Variants in COL16A1 observed in about 807,000 individuals in gnomAD.
COL16A1 encodes collagen type XVI alpha 1 chain, also known as collagen alpha-1(XVI) chain.
A neutral mutation model predicts 266.3 loss-of-function variants in COL16A1; 189 were observed. That is an observed-to-expected ratio of 0.71 (90% CI 0.63 to 0.80). The LOEUF (loss-of-function observed/expected upper bound fraction) is 0.80. Among genes scored for constraint, COL16A1 ranks in the 30% least tolerant of loss-of-function variants. The pLI, the probability that COL16A1 is intolerant of heterozygous loss-of-function variation, is 0.00. For missense variants in COL16A1, 1,928 were observed against 2,122.4 expected, an observed-to-expected ratio of 0.91 and a Z score of 1.80; for synonymous variants, 740 against 782.3, an observed-to-expected ratio of 0.95 and a Z score of 0.90.
intron 42 of COL16A1, chr1:31,679,400 A>T: frequency 6.5e-7 from 1 of 1,530,156 alleles, no homozygotes; most frequent in Non-Finnish European, 8.8e-7. Flanking sequence ...TGGGTGCCTG[A>T]CAGCTGACGC....
rs1301036320 is a variant in COL16A1 at position 31,661,464 on chromosome 1, A to G, written c.3727-6T>C. Reference sequence around the variant, plus strand: ...CCTGTTTTCCCCTTAAAGCCCTGAAAGAAAAAGCAGGGAGTTCTCATGTCC... The same window carrying G: ...CCTGTTTTCCCCTTAAAGCCCTGAAGGAAAAAGCAGGGAGTTCTCATGTCC... On this transcript the variant is annotated splice_polypyrimidine_tract_variant and splice_region_variant and intron_variant, in intron 59 of 70. Transcript: ENST00000373672. The G allele has an allele frequency of 1.2e-6, 2 of 1,614,196 alleles. No homozygotes were observed. Among genetic ancestry groups the G allele is most frequent in the East Asian group, 2.2e-5 (1 of 44,892 alleles).
At position 31,697,592 on chromosome 1, in the gene COL16A1, G is replaced by A. The variant is rs1271925463; in HGVS notation, c.658-292C>T. Among the ~76,000 whole-genome samples, 1 of 152,202 alleles carries A rather than the reference G, an allele frequency of 6.6e-6. No individual in the cohort carries two copies. Among genetic ancestry groups the A allele is most frequent in the Non-Finnish European group, 1.5e-5 (1 of 68,038 alleles). On this transcript the variant is annotated intron_variant, in intron 6 of 70. Coordinates refer to ENST00000373672, the MANE Select transcript of COL16A1 (RefSeq NM_001856.4). The surrounding 1 kb of genome is among the most constrained non-coding windows in gnomAD (Gnocchi z 4.2). ...TGAGTATGCAAGGAAAGGCATTCCA[G>A]GTGGAGGTAACAGCGTAGGCAAAGG...
At chr1:31,695,276 C>A (rs1220235664) in intron 10 of COL16A1, 55 bp from the exon 11 acceptor site, 4 of 1,566,798 alleles carry the variant, frequency 2.6e-6, no homozygotes, top group Non-Finnish European at 3.5e-6. Context: ...GGTGAGCCCT[C>A]CCCACCTCCA....
chr1:31,676,717 G>C (rs1284291287), intron 42 of COL16A1, among the ~76,000 whole-genome samples: 1 of 152,214 alleles, frequency 6.6e-6, no homozygotes, highest in Non-Finnish European at 1.5e-5. Flanking sequence ...AGATTCGTGA[G>C]GCACATTTGC....
rs563764602 is a variant in COL16A1, at chr1:31,685,001, A to G, written c.2017-145T>C. 1.3e-4 allele frequency: 201 copies of G among 1,507,872 alleles called. 1 individual carries two copies. The South Asian group carries it at 2.3e-3, about 17-fold the overall frequency. The allele number at this position is 1,507,872 out of a possible 1,614,324, so 93.4% of individuals were successfully genotyped here. On this transcript the variant is annotated intron_variant, in intron 29 of 70. Transcript: ENST00000373672. This position sits in a 1 kb window ranked among gnomAD's most constrained non-coding sequence, Gnocchi z 4.0. Reference sequence around the variant, plus strand: ...TAGTGAAGCAATCTTGCCCAGGTGCAGAGCAAAGATTTGTGCCAGACTCTT... The same window carrying G: ...TAGTGAAGCAATCTTGCCCAGGTGCGGAGCAAAGATTTGTGCCAGACTCTT...
At position 31,668,626 on chromosome 1, in the gene COL16A1, G is replaced by A. The variant is rs1033159347; in HGVS notation, c.3249+176C>T. Among the ~76,000 whole-genome samples the A allele has an allele frequency of 6.6e-6, 1 of 152,064 alleles. No homozygotes were observed. Among genetic ancestry groups the A allele is most frequent in the South Asian group, 2.1e-4 (1 of 4,830 alleles). The stretch of plus-strand genomic sequence containing the variant: ...GGGCACATGGAGATCGGCCTCCTTT[G>A]CTCCTGGGGGAGTGTGGAAACCTCA... On this transcript the variant is annotated intron_variant, in intron 50 of 70. Transcript: ENST00000373672. The surrounding 1 kb of genome is among the most constrained non-coding windows in gnomAD (Gnocchi z 5.8).
chr1:31,696,828 A>C, intron 8 of COL16A1, 135 bp downstream of exon 8: 1 of 1,431,644 alleles, frequency 7.0e-7, no homozygotes, highest in East Asian at 2.4e-5. Flanking sequence ...GCGTACAAAT[A>C]GGGAGGGCTT....
At chr1:31,665,140 C>A in intron 56 of COL16A1, 32 bp downstream of exon 56, 1 of 1,602,970 alleles carries the variant, frequency 6.2e-7, no homozygotes, top group Non-Finnish European at 8.5e-7. Flanking sequence ...TGGCTCAGAT[C>A]TGTGACTTTG....
Position 31,698,570 on chromosome 1 carries a change from G to A in COL16A1, c.303C>T (p.Ala101=). ...TCTTCAGCAGTAGTGTCAGCACCAGGGCAAACTCCTCCGGGAGACCCCGAG... is the reference window on the plus strand; with the variant it reads ...TCTTCAGCAGTAGTGTCAGCACCAGAGCAAACTCCTCCGGGAGACCCCGAG... ...VFPRGLPEEF[A]LVLTLLLKKH... The change falls in exon 5 of 71, where the codon GCC becomes GCT. Residue 101 remains alanine, a synonymous_variant. Coordinates refer to ENST00000373672, the MANE Select transcript of COL16A1 (RefSeq NM_001856.4). This position sits in a 1 kb window ranked among gnomAD's most constrained non-coding sequence, Gnocchi z 4.1. 1 of 1,614,044 alleles carries A rather than the reference G, an allele frequency of 6.2e-7. No individual in the cohort carries two copies. The highest frequency in any genetic ancestry group is 8.5e-7 in the Non-Finnish European group (1 of 1,180,000).
At chr1:31,653,473 C>T in intron 70 of COL16A1, 126 bp downstream of exon 70, 3 of 1,147,316 alleles carry the variant, frequency 2.6e-6, no homozygotes, top group Non-Finnish European at 3.6e-6. Flanking sequence ...CAGTGGCATT[C>T]CTATAAATGT....
At chr1:31,702,532 C>T (rs1405442136) in intron 1 of COL16A1, among the ~76,000 whole-genome samples, 2 of 152,186 alleles carry the variant, frequency 1.3e-5, no homozygotes, top group Non-Finnish European at 2.9e-5. Flanking sequence ...TGGATACTTG[C>T]TGGATTGGGA....
rs111367315 is a variant in COL16A1, at chr1:31,699,774, G to A, written c.266+39C>T. On this transcript the variant is annotated intron_variant, in intron 4 of 70. Coordinates refer to ENST00000373672, the MANE Select transcript of COL16A1 (RefSeq NM_001856.4). ...GGAGTTGCTGAGGAGTGTGGCTGAGGTCAGTGTTGATTCTCAGTGGTCACA... is the reference window on the plus strand; with the variant it reads ...GGAGTTGCTGAGGAGTGTGGCTGAGATCAGTGTTGATTCTCAGTGGTCACA... 5.0e-3 allele frequency: 6,469 copies of A among 1,285,484 alleles called. 43 individuals are homozygous for A. Among genetic ancestry groups the A allele is most frequent in the East Asian group, 0.022 (951 of 43,530 alleles). 79.6% of individuals were successfully genotyped at this position (1,285,484 alleles called of 1,614,324 possible). A position where few individuals can be genotyped will look rare whatever the true frequency, so the allele number is the denominator to read the frequency against.
In COL16A1 at chr1:31,663,194, G is replaced by A. The variant is rs889484307; in HGVS notation, c.3556-536C>T. 6.2e-6 allele frequency: 1 copy of A among 162,038 alleles called. No homozygotes were observed. Among genetic ancestry groups the A allele is most frequent in the African/African-American group, 2.4e-5 (1 of 41,576 alleles). 10.0% of individuals were successfully genotyped at this position (162,038 alleles called of 1,614,324 possible). A position where few individuals can be genotyped will look rare whatever the true frequency, so the allele number is the denominator to read the frequency against. On this transcript the variant is annotated intron_variant, in intron 56 of 70. Transcript: ENST00000373672. The surrounding 1 kb of genome is among the most constrained non-coding windows in gnomAD (Gnocchi z 4.9). ...GCTCACAGTCCAGTGAGGGTCATGGGCCCAACACAACCAGGGGCAATACAA... is the reference window on the plus strand; with the variant it reads ...GCTCACAGTCCAGTGAGGGTCATGGACCCAACACAACCAGGGGCAATACAA...
At chr1:31,677,335 G>T (rs1462292292) in intron 42 of COL16A1, among the ~76,000 whole-genome samples, 1 of 152,152 alleles carries the variant, frequency 6.6e-6, no homozygotes, top group Non-Finnish European at 1.5e-5. Context: ...GTGATCTGCC[G>T]ACCTTGGCCT....
Position 31,698,321 on chromosome 1 carries a change from T to A in COL16A1, c.391-149A>T. 6.5e-7 allele frequency: 1 copy of A among 1,531,758 alleles called. No individual in the cohort carries two copies. Among genetic ancestry groups the A allele is most frequent in the Non-Finnish European group, 8.8e-7 (1 of 1,139,350 alleles). The allele number at this position is 1,531,758 out of a possible 1,614,324, so 94.9% of individuals were successfully genotyped here. ...CCGGCTGGGGTCAAGGAGCTATACA[T>A]CCTGAAAGAATGAGGTAGGTACTGG... On this transcript the variant is annotated intron_variant, in intron 5 of 70. Transcript: ENST00000373672. This position sits in a 1 kb window ranked among gnomAD's most constrained non-coding sequence, Gnocchi z 4.1.
chr1:31,701,486 T>G (rs1557704128), intron 2 of COL16A1: 1 of 985,292 alleles, frequency 1.0e-6, no homozygotes, highest in Non-Finnish European at 1.2e-6. Context: ...GCGAAGCAGC[T>G]GAGCTACTGA....
chr1:31,682,317 C>T (rs1428171799), intron 37 of COL16A1, among the ~76,000 whole-genome samples: 2 of 152,156 alleles, frequency 1.3e-5, no homozygotes, highest in Non-Finnish European at 2.9e-5. Flanking sequence ...TCCAATTATA[C>T]TGGAAGTAGT....
At position 31,697,973 on chromosome 1, in the gene COL16A1, C is replaced by T. The variant is rs192400804; in HGVS notation, c.590G>A (p.Arg197Gln). ...SSASSQPLGP[R>Q]RPMRPVGHVF... ...ATGGCCCACAGGCCTCATGGGTCGT[C>T]GGGGCCCCAGAGGCTGGGAGGAGGC... The change falls in exon 6 of 71, where the codon CGA becomes CAA. Residue 197 changes from arginine to glutamine, a missense_variant. Physicochemically the swap from Arg to Gln is conservative, Grantham distance 43 (BLOSUM62 1). Coordinates refer to ENST00000373672, the MANE Select transcript of COL16A1 (RefSeq NM_001856.4). The surrounding 1 kb of genome is among the most constrained non-coding windows in gnomAD (Gnocchi z 4.2). The T allele has an allele frequency of 3.2e-4, 509 of 1,613,346 alleles. 2 individuals carry two copies. In the African/African-American group the frequency reaches 4.8e-3, roughly 15 times the overall value.
intron 23 of COL16A1, 147 bp from the exon 24 acceptor site, chr1:31,689,232 G>A: frequency 7.5e-7 from 1 of 1,327,056 alleles, no homozygotes; most frequent in Non-Finnish European, 1.0e-6. Context: ...GCACCCCAGA[G>A]GCAGGGTTCA....
Sources: gnomAD v4.1 joint callset for allele counts (sites outside exome capture counted in the v4.1 genomes callset) on GRCh38, gnomAD v4.1.1 for gene constraint, Gnocchi (gnomAD v3.1) non-coding constraint, MANE v1.5 for transcripts, NCBI Gene and HGNC (gene_info 2026-07-23, HGNC 2026-07-21) for gene names.